SPAG16: variants seen among roughly 807,000 people sequenced by gnomAD.
SPAG16 encodes sperm-associated antigen 16 protein.
Under a neutral mutation model 80.4 loss-of-function variants are expected in SPAG16, and 86 were observed. The ratio of observed to expected loss-of-function variants is 1.07; its 90% CI spans 0.90 to 1.28. SPAG16 has a LOEUF of 1.28. SPAG16 is among the 50% of genes most tolerant of loss of function. The pLI is 0.00. For synonymous variants in SPAG16, 294 were observed against 265.9 expected (o/e 1.11, Z -1.03); for missense variants, 870 against 765.3 (o/e 1.14, Z -1.61).
chr2:213,962,338 G>T (rs1013155449), intron 12 of SPAG16, among the ~76,000 whole-genome samples: 4 of 141,012 alleles, frequency 2.8e-5, no homozygotes, highest in African/African-American at 1.0e-4. Context: ...GACTACAGGC[G>T]CCCGCCACCA....
intron 15 of SPAG16, among the ~76,000 whole-genome samples, chr2:214,394,068 T>C (rs1701229637): frequency 6.6e-6 from 1 of 152,196 alleles, no homozygotes; most frequent in Admixed American, 6.5e-5. Flanking sequence ...TGGGTTGTGA[T>C]GGATAGTGTT....
rs373209543 is a variant in SPAG16, at chr2:214,114,873, A to G, written c.1593+6612A>G. 1.4e-3 allele frequency among the ~76,000 whole-genome samples: 209 copies of G among 152,116 alleles called. 2 individuals are homozygous for G. The highest frequency in any genetic ancestry group is 4.8e-3 in the African/African-American group (201 of 41,498). On this transcript the variant is annotated intron_variant, in intron 14 of 15. Coordinates refer to ENST00000331683, the MANE Select transcript of SPAG16 (RefSeq NM_024532.5). Reference sequence around the variant, plus strand: ...TACCTCAGTTGGAAATGCAGAAATCACCCGTCTTCTGCATTGATCATGCTG... The same window carrying G: ...TACCTCAGTTGGAAATGCAGAAATCGCCCGTCTTCTGCATTGATCATGCTG...
At chr2:213,835,829 T>C (rs2074041390) in intron 10 of SPAG16, among the ~76,000 whole-genome samples, 1 of 152,160 alleles carries the variant, frequency 6.6e-6, no homozygotes, top group Non-Finnish European at 1.5e-5. Context: ...TTGTACTTTA[T>C]TTTAATATCA....
intron 15 of SPAG16, among the ~76,000 whole-genome samples, chr2:214,201,436 C>G (rs1358341267): frequency 6.6e-6 from 1 of 152,042 alleles, no homozygotes; most frequent in Non-Finnish European, 1.5e-5. Context: ...GAATTCAGGC[C>G]TCATTAATGC....
intron 15 of SPAG16, among the ~76,000 whole-genome samples, chr2:214,259,875 G>A (rs906582824): frequency 6.6e-6 from 1 of 152,064 alleles, no homozygotes; most frequent in African/African-American, 2.4e-5. Context: ...ATCTGTCTCA[G>A]GCAGTTCTCC....
chr2:213,628,649 C>A (rs1212241650), intron 10 of SPAG16, among the ~76,000 whole-genome samples: 2 of 152,164 alleles, frequency 1.3e-5, no homozygotes, highest in East Asian at 3.8e-4. Flanking sequence ...TATTTCTTGA[C>A]TTGATTGCTT....
At chr2:213,535,280 CAAT>C (rs1464508590) in intron 10 of SPAG16, among the ~76,000 whole-genome samples, 1 of 151,888 alleles carries the variant, frequency 6.6e-6, no homozygotes, top group Non-Finnish European at 1.5e-5. Flanking sequence ...CTGGAAATAA[CAAT>C]GATGATAGAA....
chr2:214,126,787 T>C (rs1326951265), intron 14 of SPAG16, among the ~76,000 whole-genome samples: 1 of 151,814 alleles, frequency 6.6e-6, no homozygotes, highest in East Asian at 1.9e-4. Context: ...ACAGCAAAAG[T>C]ACATTGTTGT....
chr2:213,575,340 T>C (rs2060087036), intron 10 of SPAG16, among the ~76,000 whole-genome samples: 1 of 152,174 alleles, frequency 6.6e-6, no homozygotes, highest in Admixed American at 6.5e-5. Flanking sequence ...TTTGTTTTGT[T>C]TTGGCATAAT....
chr2:214,210,073 A>G (rs1207963114), intron 15 of SPAG16, among the ~76,000 whole-genome samples: 1 of 152,062 alleles, frequency 6.6e-6, no homozygotes. Flanking sequence ...TGCTTGATCA[A>G]CTTGAGTCAG....
intron 9 of SPAG16, among the ~76,000 whole-genome samples, chr2:213,421,761 C>T (rs901671068): frequency 6.6e-6 from 1 of 152,194 alleles, no homozygotes; most frequent in Admixed American, 6.5e-5. Context: ...ATTTGGGTCT[C>T]CTCAACTCAT....
At chr2:213,914,054 A>T (rs375938253) in intron 11 of SPAG16, among the ~76,000 whole-genome samples, 9 of 152,162 alleles carry the variant, frequency 5.9e-5, no homozygotes, top group Non-Finnish European at 8.8e-5. Context: ...TTGACCAAAC[A>T]TTGTGGTAGC....
chr2:213,464,604 T>TA (rs1363493746), intron 9 of SPAG16, among the ~76,000 whole-genome samples: 1 of 152,226 alleles, frequency 6.6e-6, no homozygotes, highest in Non-Finnish European at 1.5e-5. Context: ...GGATGCCCCT[T>TA]ATCTTTGGAA....
intron 10 of SPAG16, among the ~76,000 whole-genome samples, chr2:213,729,177 A>G (rs1347274276): frequency 1.3e-5 from 2 of 152,160 alleles, no homozygotes; most frequent in Non-Finnish European, 2.9e-5. Flanking sequence ...GGTTATCAAA[A>G]TCATCAGGAA....
chr2:213,765,686 A>G (rs1334310934), intron 10 of SPAG16, among the ~76,000 whole-genome samples: 1 of 152,174 alleles, frequency 6.6e-6, no homozygotes, highest in Admixed American at 6.6e-5. Context: ...CTTGTTTTAA[A>G]AATATGCTTC....
chr2:213,433,981 C>G (rs1293771199), intron 9 of SPAG16, among the ~76,000 whole-genome samples: 8 of 145,464 alleles, frequency 5.5e-5, no homozygotes, highest in African/African-American at 2.1e-4. Context: ...AGTGCAATGG[C>G]CCTATTTTGG....
chr2:213,674,447 A>G (rs1405717474), intron 10 of SPAG16, among the ~76,000 whole-genome samples: 2 of 151,600 alleles, frequency 1.3e-5, no homozygotes, highest in African/African-American at 2.4e-5. Context: ...GGTTAGGTAC[A>G]TATGTATACC....
chr2:213,960,483 A>G (rs2044357374), intron 12 of SPAG16, among the ~76,000 whole-genome samples: 2 of 152,132 alleles, frequency 1.3e-5, no homozygotes, highest in South Asian at 4.1e-4. Flanking sequence ...GTTGAATCTA[A>G]TAATGTGGTA....
intron 15 of SPAG16, among the ~76,000 whole-genome samples, chr2:214,313,221 CCATA>C (rs1388863173): frequency 6.6e-6 from 1 of 152,018 alleles, no homozygotes; most frequent in Non-Finnish European, 1.5e-5. Flanking sequence ...ATGAAAATCA[CCATA>C]AATATTTGTC....
Sources: allele counts gnomAD v4.1 joint callset (sites outside exome capture counted in the v4.1 genomes callset), GRCh38; gene constraint gnomAD v4.1.1; transcripts MANE v1.5; gene names NCBI Gene and HGNC (gene_info 2026-07-23, HGNC 2026-07-21).